The following FGF12 variants were observed in gnomAD, a reference collection of about 807,000 sequenced individuals.
The protein encoded by FGF12 is fibroblast growth factor 12, also known as fibroblast growth factor 12B.
Under a neutral mutation model 23.6 loss-of-function variants are expected in FGF12, and 14 were observed. The ratio of observed to expected loss-of-function variants is 0.59; its 90% CI spans 0.39 to 0.93. FGF12 has a LOEUF of 0.93. Among genes scored for constraint, FGF12 ranks in the 40% least tolerant of loss-of-function variants. The probability of loss-of-function intolerance (pLI) is 0.00; values close to 1 mark genes in which losing one functional copy is unlikely to be tolerated. For missense variants in FGF12, 175 were observed against 217.8 expected, an observed-to-expected ratio of 0.80 and a Z score of 1.24; for synonymous variants, 62 against 77.3, an observed-to-expected ratio of 0.80 and a Z score of 1.04.
intron 2 of FGF12, among the ~76,000 whole-genome samples, chr3:192,419,120 T>C (rs568454220): frequency 6.6e-6 from 1 of 152,300 alleles, no homozygotes; most frequent in South Asian, 2.1e-4. Context: ...TCAAATCTAG[T>C]TTAGCTCACT....
chr3:192,650,374 C>T (rs1716172838), intron 2 of FGF12, among the ~76,000 whole-genome samples: 1 of 152,182 alleles, frequency 6.6e-6, no homozygotes, highest in Non-Finnish European at 1.5e-5. Flanking sequence ...CATGCCTTTG[C>T]ACCTGCTATT....
intron 2 of FGF12, among the ~76,000 whole-genome samples, chr3:192,448,453 A>G (rs1722426416): frequency 6.6e-6 from 1 of 152,210 alleles, no homozygotes; most frequent in Non-Finnish European, 1.5e-5. Flanking sequence ...AAAGAAAAAC[A>G]TCCCCCTGAA....
At position 192,357,593 on chromosome 3, in the gene FGF12, T is replaced by A. The variant is rs539303936; in HGVS notation, c.124+2835A>T. ...CGTCTCAAAAAAAAAAACAAACAAC[T>A]TTTCTACATATTGACGGAGACGTTC... On this transcript the variant is annotated intron_variant, in intron 3 of 5. Transcript: ENST00000445105. Among the ~76,000 whole-genome samples, 10 of 152,118 alleles carry A rather than the reference T, an allele frequency of 6.6e-5. 1 individual carries two copies. In the South Asian group the frequency reaches 2.1e-3, roughly 32 times the overall value.
At chr3:192,593,558 A>G (rs1713716362) in intron 2 of FGF12, among the ~76,000 whole-genome samples, 1 of 152,000 alleles carries the variant, frequency 6.6e-6, no homozygotes, top group South Asian at 2.1e-4. Flanking sequence ...AAATGTTTGT[A>G]GGATGAGTGA....
At position 192,385,596 on chromosome 3, in the gene FGF12, A is replaced by C. The variant is rs535975814; in HGVS notation, c.14-25058T>G. On this transcript the variant is annotated intron_variant, in intron 2 of 5. Transcript: ENST00000445105. Reference sequence around the variant, plus strand: ...CATAGTTCAGACCTCTTCTCTTCCCACTCTGGGCTCCAGCCAACTGACACT... The same window carrying C: ...CATAGTTCAGACCTCTTCTCTTCCCCCTCTGGGCTCCAGCCAACTGACACT... 2.1e-4 allele frequency among the ~76,000 whole-genome samples: 32 copies of C among 151,820 alleles called. No individual in the cohort carries two copies. The East Asian group carries it at 6.0e-3, about 28-fold the overall frequency.
chr3:192,202,107 T>C (rs1054269259), intron 4 of FGF12, among the ~76,000 whole-genome samples: 2 of 152,186 alleles, frequency 1.3e-5, no homozygotes, highest in Admixed American at 6.5e-5. Flanking sequence ...AGATTATTTC[T>C]ATGCAAAAAT....
rs773570110 is a variant in FGF12, at chr3:192,512,835, A to AATATATATAT, written c.14-152307_14-152298dup. Among the ~76,000 whole-genome samples, 50 of 76,760 alleles carry AATATATATAT rather than the reference A, an allele frequency of 6.5e-4. 2 individuals carry two copies. Among genetic ancestry groups the AATATATATAT allele is most frequent in the African/African-American group, 3.1e-3 (48 of 15,680 alleles). The allele number at this position is 76,760 out of a possible 152,430, so 50.4% of individuals were successfully genotyped here. Reference sequence around the variant, plus strand: ...GTTAAACCTAGAGTATACTCAAATAAATATATATATATATATATATATATA... The same window carrying AATATATATAT: ...GTTAAACCTAGAGTATACTCAAATAAATATATATATATATATATATATATATATATATATA... On this transcript the variant is annotated intron_variant, in intron 2 of 5. Transcript: ENST00000445105.
intron 4 of FGF12, among the ~76,000 whole-genome samples, chr3:192,171,785 T>A: frequency 6.6e-6 from 1 of 152,174 alleles, no homozygotes; most frequent in East Asian, 1.9e-4. Flanking sequence ...AAGTTATTAA[T>A]GAATATAGGA....
intron 4 of FGF12, among the ~76,000 whole-genome samples, chr3:192,246,764 G>A (rs915988481): frequency 6.7e-6 from 1 of 149,640 alleles, no homozygotes; most frequent in Non-Finnish European, 1.5e-5. Flanking sequence ...AGCAGAGATT[G>A]CAGTGAGCCA....
At chr3:192,522,594 A>T (rs1724848601) in intron 2 of FGF12, among the ~76,000 whole-genome samples, 1 of 152,170 alleles carries the variant, frequency 6.6e-6, no homozygotes, top group South Asian at 2.1e-4. Flanking sequence ...GCAAATTCTT[A>T]TTTAGTTATT....
intron 5 of FGF12, among the ~76,000 whole-genome samples, chr3:192,165,574 G>GAAGT (rs1337972253): frequency 1.3e-5 from 2 of 150,756 alleles, no homozygotes; most frequent in Non-Finnish European, 2.9e-5. Context: ...CACCAGAAAA[G>GAAGT]AAGTGATGCA....
intron 4 of FGF12, among the ~76,000 whole-genome samples, chr3:192,317,746 CAG>C (rs1428413474): frequency 6.6e-6 from 1 of 152,124 alleles, no homozygotes; most frequent in Non-Finnish European, 1.5e-5. Flanking sequence ...AGGTAGTAAC[CAG>C]ACAGTGCTCA....
At chr3:192,369,328 A>C (rs1390987699) in intron 2 of FGF12, among the ~76,000 whole-genome samples, 2 of 152,164 alleles carry the variant, frequency 1.3e-5, no homozygotes, top group Non-Finnish European at 2.9e-5. Context: ...CGTTTCTTCC[A>C]ATTTTGTCCT....
chr3:192,222,409 T>C (rs952224401), intron 4 of FGF12, among the ~76,000 whole-genome samples: 7 of 152,188 alleles, frequency 4.6e-5, no homozygotes, highest in African/African-American at 1.7e-4. Flanking sequence ...AAAAATTCTG[T>C]AAACTCCCGA....
At chr3:192,545,229 C>T (rs2108580385) in intron 2 of FGF12, among the ~76,000 whole-genome samples, 1 of 152,186 alleles carries the variant, frequency 6.6e-6, no homozygotes, top group South Asian at 2.1e-4. Flanking sequence ...GCACTCTGGC[C>T]CCCAAAACTA....
chr3:192,359,454 G>C (rs1267356585), intron 3 of FGF12, among the ~76,000 whole-genome samples: 3 of 152,134 alleles, frequency 2.0e-5, no homozygotes, highest in Non-Finnish European at 4.4e-5. Context: ...AACTTGTTGG[G>C]ACAGATATCA....
At chr3:192,312,876 T>C (rs929871476) in intron 4 of FGF12, among the ~76,000 whole-genome samples, 9 of 152,202 alleles carry the variant, frequency 5.9e-5, no homozygotes, top group Non-Finnish European at 1.0e-4. Context: ...GCCTTTGTCT[T>C]CTACCATGAT....
rs146878072 is a variant in FGF12 at position 192,580,672 on chromosome 3, A to G, written c.13+146509T>C. On this transcript the variant is annotated intron_variant, in intron 2 of 5. Coordinates refer to ENST00000445105, the MANE Select transcript of FGF12 (RefSeq NM_004113.6). The stretch of plus-strand genomic sequence containing the variant: ...ACCCAGGCTGGAGTGCAGTGGCCCG[A>G]TCTCAGCTCTCTGTAACCTCCGCCT... Among the ~76,000 whole-genome samples the G allele has an allele frequency of 1.8e-4, 28 of 152,242 alleles. No homozygotes were observed. In the East Asian group the frequency reaches 2.5e-3, roughly 14 times the overall value.
chr3:192,470,898 T>C (rs1723154334), intron 2 of FGF12, among the ~76,000 whole-genome samples: 1 of 152,154 alleles, frequency 6.6e-6, no homozygotes, highest in East Asian at 1.9e-4. Flanking sequence ...CTGTCTTCAC[T>C]CTTCCTCCTC....
Sources: gnomAD v4.1 joint callset for allele counts (sites outside exome capture counted in the v4.1 genomes callset) on GRCh38, gnomAD v4.1.1 for gene constraint, MANE v1.5 for transcripts, NCBI Gene and HGNC (gene_info 2026-07-23, HGNC 2026-07-21) for gene names.